SLC14A2: variants seen among roughly 807,000 people sequenced by gnomAD.
SLC14A2 encodes the protein urea transporter 2.
A neutral mutation model predicts 104.6 loss-of-function variants in SLC14A2; 91 were observed. The ratio of observed to expected loss-of-function variants is 0.87; its 90% CI spans 0.73 to 1.04. The LOEUF is 1.04. Among genes scored for constraint, SLC14A2 ranks in the 50% least tolerant of loss-of-function variants. The pLI, the probability that SLC14A2 is intolerant of heterozygous loss-of-function variation, is 0.00. For synonymous variants in SLC14A2, 476 were observed against 466.4 expected (o/e 1.02, Z -0.27); for missense variants, 1,189 against 1,156.0 (o/e 1.03, Z -0.41).
chr18:45,616,819 C>A (rs996347486), intron 1 of SLC14A2, among the ~76,000 whole-genome samples: 1 of 152,062 alleles, frequency 6.6e-6, no homozygotes, highest in African/African-American at 2.4e-5. Context: ...ACATAAGGAC[C>A]GGGTGCAGTG....
At chr18:45,196,883 A>G in the SLC14A2 span, among the ~76,000 whole-genome samples, 3 of 152,246 alleles carry the variant, frequency 2.0e-5, no homozygotes, top group Admixed American at 6.5e-5. Context: ...CCAAGACAAC[A>G]TATAAACAAG....
At chr18:45,208,638 G>A (rs554732736), upstream of SLC14A2, among the ~76,000 whole-genome samples, 2 of 152,284 alleles carry the variant, frequency 1.3e-5, no homozygotes, top group East Asian at 1.9e-4. Context: ...GCCTTACAGA[G>A]CAGTGGAGTG....
intron 8 of SLC14A2, among the ~76,000 whole-genome samples, chr18:45,641,666 C>T (rs1468051105): frequency 6.6e-6 from 1 of 152,212 alleles, no homozygotes. Flanking sequence ...TTATACAACA[C>T]CATCAAGTGC....
the SLC14A2 span, among the ~76,000 whole-genome samples, chr18:45,179,523 C>T: frequency 6.6e-6 from 1 of 152,130 alleles, no homozygotes; most frequent in African/African-American, 2.4e-5. Context: ...GTGAATAATG[C>T]TTTTGCCACA....
chr18:45,394,830 G>T (rs2086011044), intron 1 of SLC14A2, among the ~76,000 whole-genome samples: 1 of 152,030 alleles, frequency 6.6e-6, no homozygotes, highest in Admixed American at 6.6e-5. Context: ...TCTGTTGATT[G>T]TTTACTTTGC....
chr18:45,501,854 C>G (rs1296881619), intron 2 of SLC14A2, among the ~76,000 whole-genome samples: 1 of 152,174 alleles, frequency 6.6e-6, no homozygotes, highest in Non-Finnish European at 1.5e-5. Flanking sequence ...GGAGGAAGCC[C>G]ACAAGTCTTG....
At chr18:45,423,875 A>ATTTC (rs1251306295) in intron 1 of SLC14A2, 1 of 152,144 alleles carries the variant, frequency 6.6e-6, no homozygotes, top group Non-Finnish European at 1.5e-5. Context: ...TGCATTTTTT[A>ATTTC]TTTACCTTGT....
chr18:45,553,872 A>G (rs1387696198), intron 2 of SLC14A2, among the ~76,000 whole-genome samples: 1 of 152,202 alleles, frequency 6.6e-6, no homozygotes, highest in Non-Finnish European at 1.5e-5. Flanking sequence ...CCTGCCTATA[A>G]CACGCTCAAT....
intron 1 of SLC14A2, among the ~76,000 whole-genome samples, chr18:45,464,727 T>G (rs1398422219): frequency 6.6e-6 from 1 of 152,152 alleles, no homozygotes; most frequent in Admixed American, 6.5e-5. Context: ...TGGGAGTGCG[T>G]GTGACCTTTG....
At chr18:45,512,058 G>C (rs1411969887) in intron 2 of SLC14A2, among the ~76,000 whole-genome samples, 3 of 152,200 alleles carry the variant, frequency 2.0e-5, no homozygotes, top group Non-Finnish European at 1.5e-5. Flanking sequence ...ACAGACTAAA[G>C]TTTGAGGTGC....
At chr18:45,613,224 T>C (rs1356579887), upstream of SLC14A2, among the ~76,000 whole-genome samples, 2 of 152,016 alleles carry the variant, frequency 1.3e-5, no homozygotes, top group African/African-American at 2.4e-5. Flanking sequence ...TTAGTAGAGA[T>C]GGGGTTTCAC....
At chr18:45,429,106 A>T (rs2086476422) in intron 1 of SLC14A2, among the ~76,000 whole-genome samples, 3 of 152,220 alleles carry the variant, frequency 2.0e-5, no homozygotes, top group Admixed American at 2.0e-4. Context: ...GAATGAAGTT[A>T]TAGTGGAGGA....
At chr18:45,419,648 C>T (rs2086319010) in intron 1 of SLC14A2, among the ~76,000 whole-genome samples, 1 of 152,086 alleles carries the variant, frequency 6.6e-6, no homozygotes, top group South Asian at 2.1e-4. Flanking sequence ...GTGGCGCACG[C>T]CTGTAATCCC....
intron 2 of SLC14A2, among the ~76,000 whole-genome samples, chr18:45,593,084 G>A (rs1373382692): frequency 6.6e-6 from 1 of 152,174 alleles, no homozygotes; most frequent in African/African-American, 2.4e-5. Flanking sequence ...TTGGGAGGCC[G>A]AGGCAGGCGG....
chr18:45,168,004 C>G, the SLC14A2 span, among the ~76,000 whole-genome samples: 8 of 152,196 alleles, frequency 5.3e-5, no homozygotes, highest in African/African-American at 1.9e-4. Context: ...CATTGCAGAT[C>G]TGCTACTAAC....
chr18:45,484,557 GCCA>G (rs1245551200), intron 2 of SLC14A2, among the ~76,000 whole-genome samples: 1 of 152,176 alleles, frequency 6.6e-6, no homozygotes, highest in Non-Finnish European at 1.5e-5. Flanking sequence ...AACTTCTAAT[GCCA>G]GCTATATCCC....
At chr18:45,189,640 T>G in the SLC14A2 span, among the ~76,000 whole-genome samples, 1 of 152,200 alleles carries the variant, frequency 6.6e-6, no homozygotes, top group South Asian at 2.1e-4. Flanking sequence ...CCTGACTTTG[T>G]ACATCCATTA....
chr18:45,610,503 G>A (rs1231239869), upstream of SLC14A2, among the ~76,000 whole-genome samples: 2 of 152,186 alleles, frequency 1.3e-5, no homozygotes, highest in Non-Finnish European at 2.9e-5. Flanking sequence ...GTGCTGTCAA[G>A]ATTGAGGATC....
intron 1 of SLC14A2, among the ~76,000 whole-genome samples, chr18:45,221,338 AAAG>A (rs1261083576): frequency 6.6e-6 from 1 of 152,192 alleles, no homozygotes; most frequent in Non-Finnish European, 1.5e-5. Flanking sequence ...TTAAAGATAA[AAAG>A]AAGTGCCCTC....
Sources: allele counts gnomAD v4.1 joint callset (sites outside exome capture counted in the v4.1 genomes callset), GRCh38; gene constraint gnomAD v4.1.1; transcripts MANE v1.5; gene names NCBI Gene and HGNC (gene_info 2026-07-23, HGNC 2026-07-21).